Variants in MGAT4C observed in about 807,000 individuals in gnomAD.
MGAT4C encodes alpha-1,3-mannosyl-glycoprotein 4-beta-N-acetylglucosaminyltransferase C.
Under a neutral mutation model 40.1 loss-of-function variants are expected in MGAT4C, and 19 were observed. That is an observed-to-expected ratio of 0.47 (90% CI 0.33 to 0.70). The LOEUF is 0.70. MGAT4C is among the 30% of genes least tolerant of loss of function. MGAT4C has a pLI of 0.02. For missense variants in MGAT4C, 491 were observed against 563.2 expected (o/e 0.87, Z 1.30); for synonymous variants, 181 against 187.1 (o/e 0.97, Z 0.27).
intron 2 of MGAT4C, among the ~76,000 whole-genome samples, chr12:86,566,688 AT>A (rs1960139000): frequency 6.9e-6 from 1 of 145,746 alleles, no homozygotes; most frequent in Non-Finnish European, 1.5e-5. Flanking sequence ...ATATATGTAT[AT>A]ATTATATGTA....
At chr12:86,727,976 A>G (rs1031668996) in intron 1 of MGAT4C, among the ~76,000 whole-genome samples, 5 of 152,174 alleles carry the variant, frequency 3.3e-5, no homozygotes, top group African/African-American at 9.6e-5. Flanking sequence ...GCCAAGTAAT[A>G]ACTTAGTTGT....
chr12:85,958,968 G>A lies in MGAT4C; in HGVS notation c.*20321C>T, dbSNP rs1302282359. ...AAATAAAAAAAATACAAGTGCATAG[G>A]GCAGAGGAGGCGATTCAGTTACTTC... On this transcript the variant is annotated 3_prime_UTR_variant, in exon 5 of 5. Transcript: ENST00000611864. 6.6e-6 allele frequency: 1 copy of A among 151,480 alleles called. No individual in the cohort carries two copies. Among genetic ancestry groups the A allele is most frequent in the Non-Finnish European group, 1.5e-5 (1 of 67,876 alleles). 9.4% of individuals were successfully genotyped at this position (151,480 alleles called of 1,614,324 possible). A position where few individuals can be genotyped will look rare whatever the true frequency, so the allele number is the denominator to read the frequency against.
At chr12:86,275,631 C>T (rs547479958) in intron 4 of MGAT4C, among the ~76,000 whole-genome samples, 2 of 152,130 alleles carry the variant, frequency 1.3e-5, no homozygotes, top group South Asian at 4.2e-4. Flanking sequence ...TAAAGGAAAG[C>T]CAGAGTCAGA....
rs745947947 is a variant in MGAT4C at position 85,989,480 on chromosome 12, G to A, written c.67C>T (p.Arg23Cys). 2.1e-5 allele frequency: 34 copies of A among 1,605,238 alleles called. 1 individual carries two copies. In the Admixed American group the frequency reaches 4.9e-4, roughly 23 times the overall value. ...ILDKMRCLRK[R>C]STVSFLGVLV... ...ACTCCCAAGAATGACACTGTAGAAC[G>A]TTTTCTCAGGCATCTCATTTTATCA... Residue 23 changes from arginine to cysteine, a missense_variant, in exon 3 of 5, where the codon CGT (arginine) becomes TGT (cysteine). Arg to Cys is a radical substitution (Grantham distance 180). Coordinates refer to ENST00000611864, the MANE Select transcript of MGAT4C (RefSeq NM_001351288.2).
At chr12:86,505,454 A>T (rs1327030179) in intron 2 of MGAT4C, among the ~76,000 whole-genome samples, 1 of 152,172 alleles carries the variant, frequency 6.6e-6, no homozygotes, top group East Asian at 1.9e-4. Context: ...AGTCAGGCCC[A>T]CCTAAAATTC....
chr12:86,797,365 T>C (rs370828249), intron 1 of MGAT4C, among the ~76,000 whole-genome samples: 26 of 151,928 alleles, frequency 1.7e-4, no homozygotes, highest in African/African-American at 5.6e-4. Context: ...TTTTACTTTT[T>C]ATTGCTATTT....
intron 1 of MGAT4C, among the ~76,000 whole-genome samples, chr12:86,153,544 C>G (rs567141820): frequency 6.6e-5 from 10 of 152,260 alleles, no homozygotes; most frequent in Middle Eastern, 3.4e-3. Flanking sequence ...AATCTTATCT[C>G]TCATTGTAAT....
chr12:86,729,089 G>A (rs1271382094), intron 1 of MGAT4C, among the ~76,000 whole-genome samples: 1 of 152,160 alleles, frequency 6.6e-6, no homozygotes, highest in Admixed American at 6.5e-5. Context: ...ACACATAAAA[G>A]ATGGTAAGGA....
At chr12:86,160,356 G>T (rs1259976017) in intron 1 of MGAT4C, among the ~76,000 whole-genome samples, 2 of 152,022 alleles carry the variant, frequency 1.3e-5, no homozygotes, top group East Asian at 3.9e-4. Context: ...TGGGAGATTT[G>T]TGTAGTATTG....
intron 1 of MGAT4C, among the ~76,000 whole-genome samples, chr12:86,806,027 G>A (rs919710750): frequency 6.6e-6 from 1 of 151,724 alleles, no homozygotes; most frequent in African/African-American, 2.4e-5. Flanking sequence ...CTTTTGAGAA[G>A]TGTCTTGAAC....
At chr12:86,557,334 G>T (rs933472147) in intron 2 of MGAT4C, among the ~76,000 whole-genome samples, 2 of 152,110 alleles carry the variant, frequency 1.3e-5, no homozygotes, top group Non-Finnish European at 2.9e-5. Flanking sequence ...ACCCACCATT[G>T]GTGCCTGTAC....
intron 2 of MGAT4C, among the ~76,000 whole-genome samples, chr12:86,648,584 A>C (rs1963610912): frequency 6.6e-6 from 1 of 151,900 alleles, no homozygotes; most frequent in Non-Finnish European, 1.5e-5. Context: ...ATAGACATCT[A>C]CCAACCAGGA....
chr12:85,996,068 T>C (rs1192340636), intron 2 of MGAT4C, among the ~76,000 whole-genome samples: 1 of 151,966 alleles, frequency 6.6e-6, no homozygotes, highest in Non-Finnish European at 1.5e-5. Context: ...CTTAAGAACA[T>C]AAAAATCACA....
chr12:86,068,452 C>A (rs1008602601), intron 1 of MGAT4C: 2 of 151,446 alleles, frequency 1.3e-5, no homozygotes. Flanking sequence ...TTTTCTGATT[C>A]CAAGGATGCA....
intron 1 of MGAT4C, among the ~76,000 whole-genome samples, chr12:86,738,872 C>G (rs560425330): frequency 6.6e-6 from 1 of 150,702 alleles, no homozygotes; most frequent in African/African-American, 2.4e-5. Flanking sequence ...AACACAAAAG[C>G]CCGTTTATAT....
chr12:86,339,727 C>G (rs376469619), intron 3 of MGAT4C, among the ~76,000 whole-genome samples: 1 of 152,144 alleles, frequency 6.6e-6, no homozygotes, highest in East Asian at 1.9e-4. Flanking sequence ...TATACACACA[C>G]ACCTACACAT....
rs549128960 is a variant in MGAT4C at position 86,028,238 on chromosome 12, T to G, written c.-7+21436A>C. The G allele has an allele frequency of 5.8e-6, 7 of 1,200,238 alleles. No individual in the cohort carries two copies. In the South Asian group the frequency reaches 7.7e-5, roughly 13 times the overall value. The allele number at this position is 1,200,238 out of a possible 1,614,324, so 74.3% of individuals were successfully genotyped here. On this transcript the variant is annotated intron_variant, in intron 2 of 4. Transcript: ENST00000611864. ...GGAAAAAAGTTCAAAATCTTTTTCATTATTATTAAAAGCTCCTATTACCTT... is the reference window on the plus strand; with the variant it reads ...GGAAAAAAGTTCAAAATCTTTTTCAGTATTATTAAAAGCTCCTATTACCTT...
At chr12:86,792,978 A>C (rs1261187623) in intron 1 of MGAT4C, among the ~76,000 whole-genome samples, 1 of 152,116 alleles carries the variant, frequency 6.6e-6, no homozygotes, top group Admixed American at 6.6e-5. Context: ...GCTAAAATTT[A>C]ATTACCCAAG....
intron 1 of MGAT4C, among the ~76,000 whole-genome samples, chr12:86,784,689 A>T (rs1013513595): frequency 2.6e-5 from 4 of 151,960 alleles, no homozygotes; most frequent in Non-Finnish European, 5.9e-5. Flanking sequence ...AGGAGGCTAG[A>T]TTAGCTGGAA....
Sources: gnomAD v4.1 joint callset for allele counts (sites outside exome capture counted in the v4.1 genomes callset) on GRCh38, gnomAD v4.1.1 for gene constraint, MANE v1.5 for transcripts, NCBI Gene and HGNC (gene_info 2026-07-23, HGNC 2026-07-21) for gene names.